The following KCNH7 variants were observed in gnomAD, a reference collection of about 807,000 sequenced individuals.
KCNH7 encodes the protein voltage-gated inwardly rectifying potassium channel KCNH7.
A neutral mutation model predicts 120.8 loss-of-function variants in KCNH7; 49 were observed. That is an observed-to-expected ratio of 0.41 (90% CI 0.32 to 0.51). The LOEUF is 0.51. Among genes scored for constraint, KCNH7 ranks in the 20% least tolerant of loss-of-function variants. The pLI is 0.38. For synonymous variants in KCNH7, 547 were observed against 516.1 expected (o/e 1.06, Z -0.81); for missense variants, 1,097 against 1,446.6 (o/e 0.76, Z 3.92).
intron 2 of KCNH7, among the ~76,000 whole-genome samples, chr2:162,742,449 T>C (rs1688171056): frequency 6.6e-6 from 1 of 152,198 alleles, no homozygotes; most frequent in Non-Finnish European, 1.5e-5. Flanking sequence ...ATAAATATAT[T>C]TGGCATATTT....
At chr2:162,626,849 A>C (rs1420734806) in intron 2 of KCNH7, among the ~76,000 whole-genome samples, 1 of 152,172 alleles carries the variant, frequency 6.6e-6, no homozygotes, top group Non-Finnish European at 1.5e-5. Flanking sequence ...AGGGTAACTA[A>C]GCTGATGGAA....
At chr2:162,806,006 C>A (rs1684526357) in intron 2 of KCNH7, among the ~76,000 whole-genome samples, 1 of 152,108 alleles carries the variant, frequency 6.6e-6, no homozygotes, top group Non-Finnish European at 1.5e-5. Context: ...ACCGTATGTT[C>A]TCACTTATAA....
chr2:162,632,616 A>G (rs951299063), intron 2 of KCNH7, among the ~76,000 whole-genome samples: 1 of 151,840 alleles, frequency 6.6e-6, no homozygotes, highest in African/African-American at 2.4e-5. Flanking sequence ...TATTGTAATT[A>G]TAACAGGGAG....
intron 9 of KCNH7, among the ~76,000 whole-genome samples, chr2:162,410,209 G>A (rs1687344043): frequency 6.6e-6 from 1 of 151,866 alleles, no homozygotes; most frequent in Non-Finnish European, 1.5e-5. Flanking sequence ...CCAAAACAAT[G>A]TGGAACTGGT....
intron 3 of KCNH7, among the ~76,000 whole-genome samples, chr2:162,526,410 G>A (rs548984715): frequency 2.8e-4 from 42 of 150,590 alleles, no homozygotes; most frequent in Non-Finnish European, 4.9e-4. Context: ...GAATTTCCTC[G>A]TCCTAATAAG....
chr2:162,785,680 G>T (rs555825203), intron 2 of KCNH7, among the ~76,000 whole-genome samples: 1 of 152,122 alleles, frequency 6.6e-6, no homozygotes, highest in African/African-American at 2.4e-5. Context: ...ATATCAGGCT[G>T]CCTGTGGAAT....
chr2:162,640,768 G>A (rs567440494), intron 2 of KCNH7, among the ~76,000 whole-genome samples: 1 of 152,060 alleles, frequency 6.6e-6, no homozygotes, highest in East Asian at 1.9e-4. Flanking sequence ...GAAAATATTC[G>A]CAATGACATA....
At chr2:162,494,451 A>ACATT (rs1690427160) in intron 6 of KCNH7, among the ~76,000 whole-genome samples, 1 of 152,120 alleles carries the variant, frequency 6.6e-6, no homozygotes, top group African/African-American at 2.4e-5. Flanking sequence ...GGATTATTTG[A>ACATT]CATTTTTAGT....
chr2:162,760,042 T>C (rs1048131622), intron 2 of KCNH7, among the ~76,000 whole-genome samples: 2 of 152,172 alleles, frequency 1.3e-5, no homozygotes, highest in Non-Finnish European at 2.9e-5. Flanking sequence ...ATTTTCACTA[T>C]GTTAACCAAG....
intron 2 of KCNH7, among the ~76,000 whole-genome samples, chr2:162,645,501 C>A (rs899577385): frequency 1.3e-5 from 2 of 152,110 alleles, no homozygotes; most frequent in Non-Finnish European, 2.9e-5. Flanking sequence ...AGGTACCATG[C>A]TGATCTGAGG....
At chr2:162,538,834 T>C (rs1438738302) in intron 2 of KCNH7, among the ~76,000 whole-genome samples, 9 of 152,138 alleles carry the variant, frequency 5.9e-5, no homozygotes, top group Non-Finnish European at 1.2e-4. Flanking sequence ...TCGACAGATA[T>C]ACTTTTAGAA....
At chr2:162,464,873 G>A (rs1689259095) in intron 6 of KCNH7, among the ~76,000 whole-genome samples, 2 of 151,966 alleles carry the variant, frequency 1.3e-5, no homozygotes, top group Admixed American at 1.3e-4. Context: ...CGTCTAAAGT[G>A]GTGGTTCCCC....
At chr2:162,380,391 G>T (rs1307208501) in intron 13 of KCNH7, among the ~76,000 whole-genome samples, 1 of 152,078 alleles carries the variant, frequency 6.6e-6, no homozygotes, top group Non-Finnish European at 1.5e-5. Flanking sequence ...TGTTTGCACC[G>T]CATTATCTAG....
At chr2:162,543,284 GCACACACACA>G (rs58051214) in intron 2 of KCNH7, among the ~76,000 whole-genome samples, 3 of 149,006 alleles carry the variant, frequency 2.0e-5, no homozygotes, top group African/African-American at 7.4e-5. Context: ...ACACACATAC[GCACACACACA>G]CACACACACA....
intron 2 of KCNH7, among the ~76,000 whole-genome samples, chr2:162,776,928 T>C (rs1391057783): frequency 6.6e-6 from 1 of 152,142 alleles, no homozygotes; most frequent in Non-Finnish European, 1.5e-5. Flanking sequence ...AAGTTTCATA[T>C]ATAAGCCCTC....
intron 6 of KCNH7, chr2:162,496,872 T>C (rs1029540157): frequency 6.6e-6 from 1 of 152,190 alleles, no homozygotes; most frequent in Admixed American, 6.5e-5. Context: ...ATTGAAGAAA[T>C]TCAGGACTAA....
At chr2:162,778,030 G>T (rs372121867) in intron 2 of KCNH7, among the ~76,000 whole-genome samples, 2 of 151,806 alleles carry the variant, frequency 1.3e-5, no homozygotes, top group African/African-American at 2.4e-5. Context: ...CCAAATAATA[G>T]CAATTCAATA....
At position 162,492,133 on chromosome 2, in the gene KCNH7, G is replaced by T. The variant is rs77882505; in HGVS notation, c.1128+12310C>A. 2.8e-3 allele frequency among the ~76,000 whole-genome samples: 428 copies of T among 152,292 alleles called. 7 individuals carry two copies. In the East Asian group the frequency reaches 0.053, roughly 19 times the overall value. ...CCCTGTGCAAACCAGTTGAATGAAT[G>T]ATAAAATTACTGCTTATATCCTCTG... On this transcript the variant is annotated intron_variant, in intron 6 of 15. Transcript: ENST00000332142.
chr2:162,424,118 T>C (rs1042480737), intron 8 of KCNH7, among the ~76,000 whole-genome samples: 2 of 152,196 alleles, frequency 1.3e-5, no homozygotes, highest in Non-Finnish European at 2.9e-5. Context: ...TTAATTTGTA[T>C]ACAGTTTTTA....
Sources: allele counts gnomAD v4.1 joint callset (sites outside exome capture counted in the v4.1 genomes callset), GRCh38; gene constraint gnomAD v4.1.1; transcripts MANE v1.5; gene names NCBI Gene and HGNC (gene_info 2026-07-23, HGNC 2026-07-21).